The following UGT2A3 variants were observed in gnomAD, a reference collection of about 807,000 sequenced individuals.
UGT2A3 encodes the protein UDP glucuronosyltransferase family 2 member A3, also known as UDP-glucuronosyltransferase 2A3.
In UGT2A3, 55 loss-of-function variants were observed where a neutral mutation model predicts 44.1. The ratio of observed to expected loss-of-function variants is 1.25; its 90% CI spans 1.00 to 1.56. The LOEUF is 1.56. UGT2A3 is among the 40% of genes most tolerant of loss of function. The pLI is 0.00. For synonymous variants in UGT2A3, 243 were observed against 215.1 expected, an observed-to-expected ratio of 1.13 and a Z score of -1.13; for missense variants, 733 against 621.6, an observed-to-expected ratio of 1.18 and a Z score of -1.91.
intron 1 of UGT2A3, among the ~76,000 whole-genome samples, chr4:68,948,158 AT>A (rs1718449419): frequency 6.6e-6 from 1 of 151,768 alleles, no homozygotes; most frequent in Non-Finnish European, 1.5e-5. Flanking sequence ...ATTGAAAATC[AT>A]TTGTTTACTG....
chr4:68,936,228 C>G (rs933659431), intron 2 of UGT2A3, among the ~76,000 whole-genome samples: 15 of 152,006 alleles, frequency 9.9e-5, no homozygotes, highest in Non-Finnish European at 1.2e-4. Flanking sequence ...CAAAGATATT[C>G]CTTGAGAAGA....
chr4:68,930,490 G>A (rs1577842894), intron 5 of UGT2A3, 56 bp downstream of exon 5: 2 of 1,428,876 alleles, frequency 1.4e-6, no homozygotes, highest in South Asian at 1.4e-5. Context: ...ACATTTTCTG[G>A]TATAATGTAT....
chr4:68,938,109 C>A (rs115861651), intron 2 of UGT2A3, among the ~76,000 whole-genome samples: 18,532 of 151,994 alleles, frequency 0.12, 1,591 homozygotes, highest in Admixed American at 0.24. Flanking sequence ...GGATTCACAG[C>A]TGAATTATAT....
chr4:68,939,048 A>G (rs1718079404), intron 2 of UGT2A3, among the ~76,000 whole-genome samples: 1 of 152,184 alleles, frequency 6.6e-6, no homozygotes, highest in Admixed American at 6.6e-5. Context: ...GAAATAAAAG[A>G]GGACACAAAC....
Position 68,945,258 on chromosome 4 carries a change from C to T in UGT2A3, c.864+48G>A, listed in dbSNP as rs546291968. On this transcript the variant is annotated intron_variant, in intron 2 of 5. Transcript: ENST00000251566. ...AAGGTTGTAATCTTTCAAGGGAAAA[C>T]AAGTCATGTCATAAAGTACATAATA... 14 of 1,600,734 alleles carry T rather than the reference C, an allele frequency of 8.7e-6. No individual in the cohort carries two copies. In the Admixed American group the frequency reaches 2.4e-4, roughly 27 times the overall value.
At position 68,932,655 on chromosome 4, in the gene UGT2A3, A is replaced by G; in HGVS notation, c.969T>C (p.Ala323=). ...NVTEEKANII[A]SALAQIPQKV... Reference sequence around the variant, plus strand: ...TCTGTGGGATCTGGGCAAGGGCTGAAGCAATGATATTAGCCTTTTCTTCTG... The same window carrying G: ...TCTGTGGGATCTGGGCAAGGGCTGAGGCAATGATATTAGCCTTTTCTTCTG... The change falls in exon 3 of 6, where the codon GCT becomes GCC. Residue 323 remains alanine, a synonymous_variant. Coordinates refer to ENST00000251566, the MANE Select transcript of UGT2A3 (RefSeq NM_024743.4). The G allele has an allele frequency of 6.2e-7, 1 of 1,611,338 alleles. No individual in the cohort carries two copies. Among genetic ancestry groups the G allele is most frequent in the East Asian group, 2.2e-5 (1 of 44,796 alleles).
Position 68,951,072 on chromosome 4 carries a change from C to T in UGT2A3, c.689G>A (p.Trp230Ter), listed in dbSNP as rs767693534. The change falls in exon 1 of 6, where the codon TGG becomes TAG. Residue 230 changes from tryptophan to a stop codon, truncating the protein, a stop_gained. Transcript: ENST00000251566. LOFTEE classifies it high-confidence loss of function. ...FWIQDYDYHF[W>*]EEFYSKALGR... Reference sequence around the variant, plus strand: ...TAATGCCTTACTATAAAACTCTTCCCAAAAATGATAGTCGTAATCCTGAAT... The same window carrying T: ...TAATGCCTTACTATAAAACTCTTCCTAAAAATGATAGTCGTAATCCTGAAT... 5.0e-6 allele frequency: 8 copies of T among 1,591,434 alleles called. No individual in the cohort carries two copies. The highest frequency in any genetic ancestry group is 6.8e-6 in the Non-Finnish European group (8 of 1,171,658).
At chr4:68,935,146 A>C (rs930367324) in intron 2 of UGT2A3, among the ~76,000 whole-genome samples, 1 of 151,374 alleles carries the variant, frequency 6.6e-6, no homozygotes, top group African/African-American at 2.4e-5. Flanking sequence ...AAGAATAATT[A>C]ATAACACTTT....
At chr4:68,930,148 A>G (rs1282783290) in intron 5 of UGT2A3, 56 bp from the exon 6 acceptor site, 24 of 1,530,368 alleles carry the variant, frequency 1.6e-5, no homozygotes, top group Non-Finnish European at 2.1e-5. Flanking sequence ...TTTTCATAAA[A>G]GACAGGTAGA....
Position 68,951,032 on chromosome 4 carries a change from C to A in UGT2A3, c.715+14G>T. Reference sequence around the variant, plus strand: ...TTTGATAACTAAATTAAAAATAAAACAAAAGTGTCTTACCTAATGCCTTAC... The same window carrying A: ...TTTGATAACTAAATTAAAAATAAAAAAAAAGTGTCTTACCTAATGCCTTAC... On this transcript the variant is annotated intron_variant, in intron 1 of 5. Coordinates refer to ENST00000251566, the MANE Select transcript of UGT2A3 (RefSeq NM_024743.4). The A allele has an allele frequency of 6.8e-6, 10 of 1,476,690 alleles. No homozygotes were observed. The highest frequency in any genetic ancestry group is 2.4e-5 in the Admixed American group (1 of 41,296). 91.5% of individuals were successfully genotyped at this position (1,476,690 alleles called of 1,614,324 possible). A position where few individuals can be genotyped will look rare whatever the true frequency, so the allele number is the denominator to read the frequency against.
chr4:68,934,388 G>T (rs566752398), intron 2 of UGT2A3, among the ~76,000 whole-genome samples: 4 of 151,680 alleles, frequency 2.6e-5, no homozygotes, highest in Admixed American at 6.6e-5. Context: ...AAATTATTAG[G>T]AAAACAAGAT....
In UGT2A3 at chr4:68,941,475, T is replaced by C. The variant is rs565755210; in HGVS notation, c.864+3831A>G. On this transcript the variant is annotated intron_variant, in intron 2 of 5. Transcript: ENST00000251566. ...AACTAGACCTCTATCCCTCACCATA[T>C]ACAAAGTAAGTAAAAATGAATTACA... Among the ~76,000 whole-genome samples the C allele has an allele frequency of 9.9e-5, 15 of 151,980 alleles. No individual in the cohort carries two copies. The South Asian group carries it at 2.3e-3, about 23-fold the overall frequency.
chr4:68,944,279 A>T (rs1315787631), intron 2 of UGT2A3, among the ~76,000 whole-genome samples: 1 of 151,786 alleles, frequency 6.6e-6, no homozygotes, highest in East Asian at 2.0e-4. Context: ...CTATAAGAAC[A>T]ATCTTGGTAT....
In UGT2A3 at chr4:68,930,696, C is replaced by T. The variant is rs375132821; in HGVS notation, c.1154G>A (p.Gly385Glu). 3.1e-6 allele frequency: 5 copies of T among 1,612,990 alleles called. No individual in the cohort carries two copies. Among genetic ancestry groups the T allele is most frequent in the Non-Finnish European group, 4.2e-6 (5 of 1,179,442 alleles). The part of the protein sequence containing the change: ...MNGIYEAIYH[G>E]VPMVGVPIFG... Reference sequence around the variant, plus strand: ...TATGGGAACTCCCACCATAGGGACCCCATGGTAAATAGCTTCATAGATCCC... The same window carrying T: ...TATGGGAACTCCCACCATAGGGACCTCATGGTAAATAGCTTCATAGATCCC... Residue 385 changes from glycine to glutamate, a missense_variant, in exon 5 of 6, where the codon GGG becomes GAG. Gly to Glu is a moderately conservative substitution (Grantham distance 98, BLOSUM62 -2). Coordinates refer to ENST00000251566, the MANE Select transcript of UGT2A3 (RefSeq NM_024743.4).
intron 2 of UGT2A3, among the ~76,000 whole-genome samples, chr4:68,942,398 A>G (rs1718223562): frequency 6.7e-6 from 1 of 149,332 alleles, no homozygotes; most frequent in Non-Finnish European, 1.5e-5. Context: ...ATGTATAGAT[A>G]TATATTTCTA....
chr4:68,938,687 T>C (rs1387826977), intron 2 of UGT2A3, among the ~76,000 whole-genome samples: 1 of 152,092 alleles, frequency 6.6e-6, no homozygotes, highest in Admixed American at 6.6e-5. Context: ...AACACAGCAT[T>C]GGAAGCTCTG....
At position 68,945,461 on chromosome 4, in the gene UGT2A3, A is replaced by G. The variant is rs373421810; in HGVS notation, c.716-7T>C. ...CATAATGTAGTGGGCCTTCCTCAATAAAAGAAATAACAGAATGAATTAGCA... is the reference window on the plus strand; with the variant it reads ...CATAATGTAGTGGGCCTTCCTCAATGAAAGAAATAACAGAATGAATTAGCA... On this transcript the variant is annotated splice_polypyrimidine_tract_variant and splice_region_variant and intron_variant, in intron 1 of 5. Transcript: ENST00000251566. 6 of 1,588,182 alleles carry G rather than the reference A, an allele frequency of 3.8e-6. No individual in the cohort carries two copies. Among genetic ancestry groups the G allele is most frequent in the South Asian group, 2.3e-5 (2 of 87,350 alleles).
At chr4:68,942,538 T>TATATATAC (rs1442602288) in intron 2 of UGT2A3, among the ~76,000 whole-genome samples, 2,464 of 142,918 alleles carry the variant, frequency 0.017, 80 homozygotes, top group African/African-American at 0.052. Context: ...TATATATATA[T>TATATATAC]ACATTTTCCA....
chr4:68,939,218 C>T (rs1481418492), intron 2 of UGT2A3, among the ~76,000 whole-genome samples: 1 of 152,058 alleles, frequency 6.6e-6, no homozygotes, highest in Non-Finnish European at 1.5e-5. Flanking sequence ...CACATAGAAG[C>T]AAAAATGAGC....
Sources: gnomAD v4.1 joint callset for allele counts (sites outside exome capture counted in the v4.1 genomes callset) on GRCh38, gnomAD v4.1.1 for gene constraint, MANE v1.5 for transcripts, NCBI Gene and HGNC (gene_info 2026-07-23, HGNC 2026-07-21) for gene names.